Variants in USP49 observed in about 807,000 individuals in gnomAD.
USP49 encodes ubiquitin carboxyl-terminal hydrolase 49.
A neutral mutation model predicts 58.6 loss-of-function variants in USP49; 24 were observed. The observed-to-expected ratio is 0.41, with a 90% CI of 0.30 to 0.58. The LOEUF (loss-of-function observed/expected upper bound fraction) is 0.58, where lower values mean the gene tolerates loss of function less well. USP49 is among the 20% of genes least tolerant of loss of function. USP49 has a pLI of 0.30. For missense variants in USP49, 703 were observed against 866.1 expected, an observed-to-expected ratio of 0.81 and a Z score of 2.36; for synonymous variants, 408 against 365.1, an observed-to-expected ratio of 1.12 and a Z score of -1.34.
At position 41,805,838 on chromosome 6, in the gene USP49, G is replaced by A. The variant is rs2185798; in HGVS notation, c.1146C>T (p.Leu382=). 5.6e-6 allele frequency: 9 copies of A among 1,613,616 alleles called. No individual in the cohort carries two copies. The highest frequency in any genetic ancestry group is 6.8e-6 in the Non-Finnish European group (8 of 1,179,932). ...KWALVSPFAM[L]HSVWSLIPAF... is the part of the protein sequence containing the mutation. ...CAGGGATCAGGCTCCACACTGAGTG[G>A]AGCATGGCGAAGGGCGACACTAGGG... The change falls in exon 4 of 8, where the codon CTC becomes CTT. Residue 382 remains leucine (L), a synonymous_variant. Coordinates refer to ENST00000682992, the MANE Select transcript of USP49 (RefSeq NM_001286554.2).
chr6:41,825,721 G>C (rs1773526814), intron 3 of USP49, among the ~76,000 whole-genome samples: 1 of 152,138 alleles, frequency 6.6e-6, no homozygotes, highest in Admixed American at 6.5e-5. Flanking sequence ...GGTGTTGTGT[G>C]AGCCTGATTT....
At chr6:41,832,531 G>A (rs115899885) in intron 3 of USP49, among the ~76,000 whole-genome samples, 1,685 of 152,212 alleles carry the variant, frequency 0.011, 15 homozygotes, top group Non-Finnish European at 0.017. Flanking sequence ...AAACAAGCAC[G>A]GTAAGGATGC....
chr6:41,802,282 A>G (rs1165324500), intron 5 of USP49, among the ~76,000 whole-genome samples: 4 of 151,852 alleles, frequency 2.6e-5, no homozygotes, highest in Admixed American at 6.6e-5. Context: ...TTGGCCTCCC[A>G]AAGTGTTGGG....
intron 3 of USP49, among the ~76,000 whole-genome samples, chr6:41,846,781 C>G (rs949100812): frequency 6.6e-6 from 1 of 152,168 alleles, no homozygotes; most frequent in Admixed American, 6.5e-5. Context: ...CCCCCCCATA[C>G]TGGGTCTACT....
intron 4 of USP49, among the ~76,000 whole-genome samples, chr6:41,804,408 C>T (rs1773072928): frequency 6.6e-6 from 1 of 152,116 alleles, no homozygotes. Context: ...GACTTCAGAC[C>T]TTCCATGGGG....
intron 3 of USP49, among the ~76,000 whole-genome samples, chr6:41,831,580 CAAAAAA>C (rs57125790): frequency 1.7e-5 from 2 of 114,288 alleles, no homozygotes; most frequent in African/African-American, 3.3e-5. Flanking sequence ...AACTCCATCT[CAAAAAA>C]AAAAAAAAAA....
chr6:41,861,400 G>A (rs1774220595), intron 3 of USP49, among the ~76,000 whole-genome samples: 2 of 151,378 alleles, frequency 1.3e-5, no homozygotes, highest in Middle Eastern at 3.5e-3. Context: ...CCAAGATCGC[G>A]CCACTGCACT....
chr6:41,805,175 G>A (rs185513573), intron 4 of USP49, among the ~76,000 whole-genome samples: 2 of 152,312 alleles, frequency 1.3e-5, no homozygotes, highest in Admixed American at 1.3e-4. Context: ...ACAGGAAGGA[G>A]GCTTGCACTG....
chr6:41,869,092 T>TA (rs1774372053), intron 3 of USP49, among the ~76,000 whole-genome samples: 1 of 151,342 alleles, frequency 6.6e-6, no homozygotes, highest in South Asian at 2.1e-4. Context: ...TTTTTTTTTT[T>TA]TTTTTAATTT....
intron 7 of USP49, among the ~76,000 whole-genome samples, chr6:41,797,154 G>C (rs1772901382): frequency 6.6e-6 from 1 of 152,048 alleles, no homozygotes; most frequent in African/African-American, 2.4e-5. Flanking sequence ...TAGAGACGGG[G>C]CTTCACCATG....
intron 2 of USP49, among the ~76,000 whole-genome samples, chr6:41,884,232 C>T (rs1380920027): frequency 6.6e-6 from 1 of 152,136 alleles, no homozygotes; most frequent in East Asian, 1.9e-4. Context: ...ACCATGCTGG[C>T]CAGGATGGTT....
At chr6:41,826,743 C>T (rs182648707) in intron 3 of USP49, among the ~76,000 whole-genome samples, 4 of 152,240 alleles carry the variant, frequency 2.6e-5, no homozygotes, top group Admixed American at 2.0e-4. Context: ...CCCCCAAACC[C>T]AATCAAAGTG....
chr6:41,863,451 C>T (rs969368727), intron 3 of USP49, among the ~76,000 whole-genome samples: 7 of 152,272 alleles, frequency 4.6e-5, no homozygotes, highest in African/African-American at 1.7e-4. Flanking sequence ...TGGATCTTGA[C>T]GCCTCCGATC....
Position 41,799,849 on chromosome 6 carries a change from G to A in USP49, c.1651C>T (p.Leu551=). 6.2e-7 allele frequency: 1 copy of A among 1,614,052 alleles called. No homozygotes were observed. Among genetic ancestry groups the A allele is most frequent in the South Asian group, 1.1e-5 (1 of 91,082 alleles). ...GCTCACCTGAATCTTTTAAGGTGCA[G>A]CCGGAGAACCTGAGGTAGTCTGTAG... ...MIYRLPQVLR[L]HLKRFRWSGR... The change falls in exon 6 of 8, where the codon CTG becomes TTG. Residue 551 remains leucine, a synonymous_variant. Transcript: ENST00000682992.
intron 1 of USP49, chr6:41,894,517 C>T (rs548602212): frequency 1.3e-5 from 2 of 152,648 alleles, no homozygotes; most frequent in East Asian, 3.9e-4. Flanking sequence ...CAGTTCCCAC[C>T]ACACCGTTGG....
intron 3 of USP49, among the ~76,000 whole-genome samples, chr6:41,862,432 T>C (rs1310308459): frequency 1.3e-5 from 2 of 152,242 alleles, no homozygotes; most frequent in African/African-American, 4.8e-5. Context: ...ATTGATCTAT[T>C]TTTTCTTTTT....
intron 2 of USP49, among the ~76,000 whole-genome samples, chr6:41,890,250 G>A (rs1774788462): frequency 1.3e-5 from 2 of 151,852 alleles, no homozygotes; most frequent in Non-Finnish European, 2.9e-5. Flanking sequence ...GTGGTGGTGG[G>A]TGCCTGTAAT....
At chr6:41,820,002 C>A (rs9394833) in intron 3 of USP49, among the ~76,000 whole-genome samples, 114,048 of 151,998 alleles carry the variant, frequency 0.75, 42,975 homozygotes, top group Admixed American at 0.8. Context: ...TGGCATGAAA[C>A]AAAGGCAAGT....
intron 3 of USP49, among the ~76,000 whole-genome samples, chr6:41,830,935 C>A (rs1320210745): frequency 6.6e-6 from 1 of 152,108 alleles, no homozygotes; most frequent in African/African-American, 2.4e-5. Context: ...AACCTCCACA[C>A]AAGATAACCT....
Sources: gnomAD v4.1 joint callset for allele counts (sites outside exome capture counted in the v4.1 genomes callset) on GRCh38, gnomAD v4.1.1 for gene constraint, MANE v1.5 for transcripts, NCBI Gene and HGNC (gene_info 2026-07-23, HGNC 2026-07-21) for gene names.